SEPTIN10: variants seen among roughly 807,000 people sequenced by gnomAD.
SEPTIN10 encodes septin-10.
In SEPTIN10, 66 loss-of-function variants were observed where a neutral mutation model predicts 54.8. The ratio of observed to expected loss-of-function variants is 1.21; its 90% CI spans 0.99 to 1.48. SEPTIN10 has a LOEUF of 1.48. SEPTIN10 is among the 40% of genes most tolerant of loss of function. The pLI is 0.00. For missense variants in SEPTIN10, 620 were observed against 545.6 expected, an observed-to-expected ratio of 1.14 and a Z score of -1.36; for synonymous variants, 161 against 181.0, an observed-to-expected ratio of 0.89 and a Z score of 0.89.
intron 1 of SEPTIN10, among the ~76,000 whole-genome samples, chr2:109,610,925 G>A (rs189546453): frequency 6.6e-6 from 1 of 152,298 alleles, no homozygotes; most frequent in East Asian, 1.9e-4. Flanking sequence ...CTGGGGGAGA[G>A]AAGAATAAAG....
intron 4 of SEPTIN10, among the ~76,000 whole-genome samples, chr2:109,580,564 C>T (rs1321195754): frequency 1.3e-5 from 2 of 152,098 alleles, no homozygotes; most frequent in South Asian, 2.1e-4. Context: ...GTGCCCACTA[C>T]CATCACTGAC....
chr2:109,589,446 C>T (rs1335919029), intron 2 of SEPTIN10, among the ~76,000 whole-genome samples: 3 of 152,026 alleles, frequency 2.0e-5, no homozygotes, highest in South Asian at 2.1e-4. Context: ...GCATGAGAAC[C>T]GCTTGAACCT....
Position 109,606,672 on chromosome 2 carries a change from CTTTTTTTTTTTTTT to C in SEPTIN10, c.30+7112_30+7125del, listed in dbSNP as rs34414105. On this transcript the variant is annotated intron_variant, in intron 1 of 10. Coordinates refer to ENST00000397712, the MANE Select transcript of SEPTIN10 (RefSeq NM_144710.5). ...AAAAAATTGCACTAAAAATTTTAAG[CTTTTTTTTTTTTTT>C]TTTTTTTTTTTGAGATGGAGTCTCA... Among the ~76,000 whole-genome samples the C allele has an allele frequency of 5.6e-5, 4 of 71,910 alleles. 2 individuals are homozygous for C. In the East Asian group the frequency reaches 2.1e-3, roughly 38 times the overall value. 47.2% of individuals were successfully genotyped at this position (71,910 alleles called of 152,430 possible). A position where few individuals can be genotyped will look rare whatever the true frequency, so the allele number is the denominator to read the frequency against.
rs766748820 is a variant in SEPTIN10, at chr2:109,564,529, T to G, written c.865A>C (p.Asn289His). The G allele has an allele frequency of 8.0e-6, 12 of 1,507,470 alleles. No homozygotes were observed. Among genetic ancestry groups the G allele is most frequent in the Non-Finnish European group, 9.8e-6 (11 of 1,119,172 alleles). The allele number at this position is 1,507,470 out of a possible 1,614,324, so 93.4% of individuals were successfully genotyped here. A position where few individuals can be genotyped will look rare whatever the true frequency, so the allele number is the denominator to read the frequency against. The change falls in exon 8 of 11, where the codon AAT (asparagine) becomes CAT (histidine). Residue 289 changes from asparagine (N) to histidine (H), a missense_variant. By Grantham distance (68) the Asn-to-His change is moderately conservative (BLOSUM62 1). Coordinates refer to ENST00000397712, the MANE Select transcript of SEPTIN10 (RefSeq NM_144710.5). The stretch of plus-strand genomic sequence containing the variant: ...TTTACAAAGTCACAGTGGTTTTCAT[T>G]TTCCACTAGCCAAAAAAAAATAAGA... Reference protein sequence around the residue: ...QYPWGVVQVENENHCDFVKLR... With the variant: ...QYPWGVVQVEHENHCDFVKLR...
At chr2:109,545,298 C>A in intron 10 of SEPTIN10, 2 of 1,435,726 alleles carry the variant, frequency 1.4e-6, no homozygotes, top group Non-Finnish European at 9.1e-7. Context: ...AGAAATAAAA[C>A]AAGGGACACA....
At chr2:109,609,590 T>C (rs1365339390) in intron 1 of SEPTIN10, among the ~76,000 whole-genome samples, 2 of 134,008 alleles carry the variant, frequency 1.5e-5, no homozygotes, top group Non-Finnish European at 3.1e-5. Context: ...CACTCTAGCC[T>C]GGGTGACAGA....
At chr2:109,599,631 TC>T (rs1183686081) in intron 1 of SEPTIN10, among the ~76,000 whole-genome samples, 2 of 152,024 alleles carry the variant, frequency 1.3e-5, no homozygotes, top group African/African-American at 2.4e-5. Context: ...CATTATACCA[TC>T]AAACTCCAAC....
At chr2:109,555,882 C>T (rs1347562170) in intron 8 of SEPTIN10, among the ~76,000 whole-genome samples, 2 of 152,188 alleles carry the variant, frequency 1.3e-5, no homozygotes, top group Admixed American at 1.3e-4. Flanking sequence ...TGTGTTCATC[C>T]TCCTTCGTTC....
At chr2:109,580,079 C>T (rs1306722676) in intron 4 of SEPTIN10, among the ~76,000 whole-genome samples, 2 of 151,948 alleles carry the variant, frequency 1.3e-5, no homozygotes, top group Admixed American at 1.3e-4. Flanking sequence ...CTAGATCGCA[C>T]CACTGCACTC....
intron 10 of SEPTIN10, chr2:109,544,830 G>T: frequency 1.3e-6 from 1 of 749,508 alleles, no homozygotes; most frequent in Non-Finnish European, 1.6e-6. Context: ...ACTGCTCTAG[G>T]CTCTGGGGAT....
chr2:109,602,246 T>A (rs1696755814), intron 1 of SEPTIN10, among the ~76,000 whole-genome samples: 1 of 152,148 alleles, frequency 6.6e-6, no homozygotes, highest in Non-Finnish European at 1.5e-5. Context: ...GTTTGTGATG[T>A]GAAGAATGAA....
chr2:109,595,710 G>C (rs1036274064), intron 1 of SEPTIN10, among the ~76,000 whole-genome samples: 1 of 152,234 alleles, frequency 6.6e-6, no homozygotes, highest in Non-Finnish European at 1.5e-5. Flanking sequence ...TACAGTAAGT[G>C]TAAGAATTTG....
chr2:109,613,289 G>A, intron 1 of SEPTIN10: 1 of 695,544 alleles, frequency 1.4e-6, no homozygotes, highest in Non-Finnish European at 2.0e-6. Flanking sequence ...AGTCAAGGCG[G>A]GAAAAAAACG....
chr2:109,544,501 C>CA, intron 10 of SEPTIN10, 177 bp from the exon 11 acceptor site: 1 of 985,076 alleles, frequency 1.0e-6, no homozygotes. Flanking sequence ...AGAGAGCTCT[C>CA]AAAAAATATG....
At chr2:109,562,063 A>G (rs1490827306) in intron 8 of SEPTIN10, among the ~76,000 whole-genome samples, 1 of 151,948 alleles carries the variant, frequency 6.6e-6, no homozygotes, top group Admixed American at 6.6e-5. Context: ...AAACACAAAA[A>G]TTAGCTGGGG....
chr2:109,598,477 C>CT (rs35899144), intron 1 of SEPTIN10, among the ~76,000 whole-genome samples: 1 of 152,094 alleles, frequency 6.6e-6, no homozygotes, highest in East Asian at 1.9e-4. Context: ...TCTATGAGGT[C>CT]TTTTTTGGCA....
chr2:109,579,498 C>T lies in SEPTIN10; in HGVS notation c.414-4731G>A, dbSNP rs1356301369. Among the ~76,000 whole-genome samples the T allele has an allele frequency of 2.0e-5, 3 of 151,994 alleles. No homozygotes were observed. In the South Asian group the frequency reaches 6.2e-4, roughly 32 times the overall value. ...TCCTGGGTTCAAGTGGTTCTCCTGC[C>T]TCAGCCTCCTGAGTAGCTGGGATTA... On this transcript the variant is annotated intron_variant, in intron 4 of 10. Coordinates refer to ENST00000397712, the MANE Select transcript of SEPTIN10 (RefSeq NM_144710.5).
At chr2:109,545,342 A>G in intron 10 of SEPTIN10, 1 of 1,496,840 alleles carries the variant, frequency 6.7e-7, no homozygotes, top group Non-Finnish European at 8.9e-7. Flanking sequence ...AAGGAAAAAT[A>G]AACTTATTTT....
At chr2:109,555,095 CCT>C (rs1213669804) in intron 8 of SEPTIN10, among the ~76,000 whole-genome samples, 2 of 152,214 alleles carry the variant, frequency 1.3e-5, no homozygotes, top group Non-Finnish European at 2.9e-5. Flanking sequence ...GCTTCTAGTT[CCT>C]CTTTCTTTCA....
Sources: gnomAD v4.1 joint callset for allele counts (sites outside exome capture counted in the v4.1 genomes callset) on GRCh38, gnomAD v4.1.1 for gene constraint, MANE v1.5 for transcripts, NCBI Gene and HGNC (gene_info 2026-07-23, HGNC 2026-07-21) for gene names.